The following TENM3 variants were observed in gnomAD, a reference collection of about 807,000 sequenced individuals.
TENM3 encodes the protein teneurin transmembrane protein 3, also known as teneurin-3.
TENM3 carries 63 observed loss-of-function variants against 255.1 expected under a neutral mutation model. The observed-to-expected ratio is 0.25, with a 90% confidence interval of 0.20 to 0.30. TENM3 has a LOEUF of 0.30. TENM3 is among the 10% of genes least tolerant of loss of function. The probability of loss-of-function intolerance (pLI) is 1.00; values close to 1 mark genes in which losing one functional copy is unlikely to be tolerated. For synonymous variants in TENM3, 1,306 were observed against 1,322.3 expected (o/e 0.99, Z 0.27); for missense variants, 2,929 against 3,461.1 (o/e 0.85, Z 3.86).
At chr4:181,679,531 G>A in the TENM3 span, among the ~76,000 whole-genome samples, 1 of 152,032 alleles carries the variant, frequency 6.6e-6, no homozygotes, top group South Asian at 2.1e-4. Flanking sequence ...ATGTTGTATA[G>A]CACTGGAAAT....
In TENM3 at chr4:182,708,824, C is replaced by A. The variant is rs1758514092; in HGVS notation, c.2222-5263C>A. Reference sequence around the variant, plus strand: ...AAAAAAAAAAAAAAAAGATGTGAGACCCAGAAAAGAGTAAGACTTGCCATC... The same window carrying A: ...AAAAAAAAAAAAAAAAGATGTGAGAACCAGAAAAGAGTAAGACTTGCCATC... On this transcript the variant is annotated intron_variant, in intron 12 of 27. Transcript: ENST00000511685. Among the ~76,000 whole-genome samples, 3 of 151,354 alleles carry A rather than the reference C, an allele frequency of 2.0e-5. No individual in the cohort carries two copies. In the South Asian group the frequency reaches 6.2e-4, roughly 31 times the overall value.
chr4:182,601,236 C>G, intron 4 of TENM3, 75 bp downstream of exon 4: 1 of 1,193,408 alleles, frequency 8.4e-7, no homozygotes, highest in Non-Finnish European at 1.2e-6. Flanking sequence ...CTTACATATT[C>G]TGGTGTGGTG....
At chr4:182,470,717 T>C (rs1733035012) in intron 3 of TENM3, among the ~76,000 whole-genome samples, 1 of 152,204 alleles carries the variant, frequency 6.6e-6, no homozygotes, top group Admixed American at 6.5e-5. Context: ...ATCCATTATG[T>C]AGAAAGCTCT....
chr4:181,809,135 T>C, the TENM3 span, among the ~76,000 whole-genome samples: 2 of 152,170 alleles, frequency 1.3e-5, no homozygotes, highest in Non-Finnish European at 2.9e-5. Context: ...ATTAGTTCAC[T>C]TGAAGAAGCT....
At chr4:182,175,328 T>TAC (rs1158455492) in intron 1 of TENM3, among the ~76,000 whole-genome samples, 1 of 147,660 alleles carries the variant, frequency 6.8e-6, no homozygotes, top group Non-Finnish European at 1.5e-5. Flanking sequence ...TATATATATA[T>TAC]ATATATACAC....
At chr4:181,968,988 CTCTCTA>C in the TENM3 span, among the ~76,000 whole-genome samples, 1 of 107,616 alleles carries the variant, frequency 9.3e-6, no homozygotes, top group Non-Finnish European at 2.0e-5. Flanking sequence ...CTCTCTCTCT[CTCTCTA>C]TATACATATA....
At chr4:182,214,762 A>T (rs757579824) in intron 1 of TENM3, among the ~76,000 whole-genome samples, 3 of 152,166 alleles carry the variant, frequency 2.0e-5, no homozygotes, top group Non-Finnish European at 4.4e-5. Flanking sequence ...GAAAAAAATG[A>T]TGTAAATAAA....
At chr4:182,744,318 A>G (rs1178705858) in intron 19 of TENM3, among the ~76,000 whole-genome samples, 1 of 152,108 alleles carries the variant, frequency 6.6e-6, no homozygotes, top group Non-Finnish European at 1.5e-5. Flanking sequence ...TTAATTGAAC[A>G]ATTATTATAC....
At chr4:182,104,282 G>A in the TENM3 span, among the ~76,000 whole-genome samples, 1 of 152,040 alleles carries the variant, frequency 6.6e-6, no homozygotes, top group South Asian at 2.1e-4. Flanking sequence ...AGAAATCCAA[G>A]CGAGACCAGG....
chr4:181,831,370 T>A, the TENM3 span, among the ~76,000 whole-genome samples: 2 of 152,136 alleles, frequency 1.3e-5, no homozygotes, highest in African/African-American at 4.8e-5. Flanking sequence ...ATGGAGTTCT[T>A]ATTTCTCCAG....
chr4:181,836,183 GCACACA>G, the TENM3 span, among the ~76,000 whole-genome samples: 17 of 148,942 alleles, frequency 1.1e-4, no homozygotes, highest in East Asian at 2.4e-3. Flanking sequence ...ATACACACAT[GCACACA>G]CACACACACA....
At chr4:181,552,104 T>C in the TENM3 span, among the ~76,000 whole-genome samples, 1 of 152,104 alleles carries the variant, frequency 6.6e-6, no homozygotes, top group Non-Finnish European at 1.5e-5. Flanking sequence ...TACATACCTC[T>C]AAGAATAGAA....
the TENM3 span, among the ~76,000 whole-genome samples, chr4:181,827,846 T>C: frequency 6.6e-6 from 1 of 152,128 alleles, no homozygotes; most frequent in African/African-American, 2.4e-5. Context: ...TGACAGGCTG[T>C]TTTCATGTTG....
At chr4:182,770,584 A>G (rs1672445197) in intron 22 of TENM3, among the ~76,000 whole-genome samples, 1 of 152,188 alleles carries the variant, frequency 6.6e-6, no homozygotes, top group South Asian at 2.1e-4. Context: ...GCCCAGAGGC[A>G]TATCTAGTTC....
At chr4:182,671,797 G>C (rs1755236362) in intron 6 of TENM3, among the ~76,000 whole-genome samples, 1 of 152,162 alleles carries the variant, frequency 6.6e-6, no homozygotes, top group Admixed American at 6.5e-5. Context: ...TTACAGCTCA[G>C]ACTTAAAATC....
chr4:182,598,532 A>C (rs1261395579), intron 3 of TENM3, among the ~76,000 whole-genome samples: 1 of 152,212 alleles, frequency 6.6e-6, no homozygotes, highest in Non-Finnish European at 1.5e-5. Context: ...TTACGTTTTT[A>C]TTTAGGAATA....
chr4:181,500,975 C>G, the TENM3 span, among the ~76,000 whole-genome samples: 1 of 152,146 alleles, frequency 6.6e-6, no homozygotes, highest in Admixed American at 6.5e-5. Flanking sequence ...TGTCAGTACC[C>G]CTAATCTCTT....
At chr4:181,820,835 C>T in the TENM3 span, among the ~76,000 whole-genome samples, 1 of 152,120 alleles carries the variant, frequency 6.6e-6, no homozygotes, top group African/African-American at 2.4e-5. Context: ...TCATGTTTTT[C>T]CCTTATGTAT....
chr4:181,859,242 C>CAAAAAAAAAA, the TENM3 span, among the ~76,000 whole-genome samples: 1 of 84,142 alleles, frequency 1.2e-5, no homozygotes, highest in Non-Finnish European at 2.1e-5. Context: ...GACTCGGTCT[C>CAAAAAAAAAA]AAAAAAAAAA....
Sources: allele counts gnomAD v4.1 joint callset (sites outside exome capture counted in the v4.1 genomes callset), GRCh38; gene constraint gnomAD v4.1.1; transcripts MANE v1.5; gene names NCBI Gene and HGNC (gene_info 2026-07-23, HGNC 2026-07-21).